Variants in CCNYL1 observed in about 807,000 individuals in gnomAD.
CCNYL1 encodes cyclin Y like 1.
A neutral mutation model predicts 44.2 loss-of-function variants in CCNYL1; 16 were observed. The observed-to-expected ratio is 0.36, with a 90% CI of 0.25 to 0.55. The LOEUF (loss-of-function observed/expected upper bound fraction) is 0.55. Among genes scored for constraint, CCNYL1 ranks in the 20% least tolerant of loss-of-function variants. The pLI is 0.85. For missense variants in CCNYL1, 348 were observed against 451.8 expected, an observed-to-expected ratio of 0.77 and a Z score of 2.08; for synonymous variants, 159 against 163.2, an observed-to-expected ratio of 0.97 and a Z score of 0.20.
In CCNYL1 at chr2:207,754,063, T is replaced by G. The variant is rs905946800; in HGVS notation, c.*365T>G. 1 of 163,334 alleles carries G rather than the reference T, an allele frequency of 6.1e-6. No individual in the cohort carries two copies. The highest frequency in any genetic ancestry group is 2.4e-5 in the African/African-American group (1 of 41,842). 10.1% of individuals were successfully genotyped at this position (163,334 alleles called of 1,614,324 possible). A position where few individuals can be genotyped will look rare whatever the true frequency, so the allele number is the denominator to read the frequency against. On this transcript the variant is annotated 3_prime_UTR_variant, in exon 10 of 10. Coordinates refer to ENST00000295414, the MANE Select transcript of CCNYL1 (RefSeq NM_001330218.2). Reference sequence around the variant, plus strand: ...TTTAAAGACACTAACCATATAACTTTTATGTTTCTTCCAGTTTCTCTCCCT... The same window carrying G: ...TTTAAAGACACTAACCATATAACTTGTATGTTTCTTCCAGTTTCTCTCCCT...
chr2:207,740,031 G>A (rs2091796368), intron 5 of CCNYL1, among the ~76,000 whole-genome samples: 1 of 152,048 alleles, frequency 6.6e-6, no homozygotes, highest in African/African-American at 2.4e-5. Flanking sequence ...TGACCTCAAG[G>A]ACCTCTTGGA....
intron 6 of CCNYL1, 141 bp from the exon 7 acceptor site, chr2:207,742,082 T>G (rs1575220776): frequency 1.5e-6 from 1 of 659,814 alleles, no homozygotes. Context: ...ACCCGGGGGG[T>G]AGAGGTTGCA....
At chr2:207,717,286 G>A (rs2091604697) in intron 1 of CCNYL1, among the ~76,000 whole-genome samples, 1 of 152,088 alleles carries the variant, frequency 6.6e-6, no homozygotes, top group Admixed American at 6.6e-5. Flanking sequence ...GATTTGATTA[G>A]ATGACAAATC....
At chr2:207,725,090 AAC>A (rs2091670134) in intron 2 of CCNYL1, among the ~76,000 whole-genome samples, 1 of 151,270 alleles carries the variant, frequency 6.6e-6, no homozygotes, top group East Asian at 1.9e-4. Context: ...ACCTTTTTAT[AAC>A]ACAATTAATT....
At chr2:207,746,294 C>G (rs4260225) in intron 7 of CCNYL1, among the ~76,000 whole-genome samples, 23,494 of 152,140 alleles carry the variant, frequency 0.15, 3,015 homozygotes, top group East Asian at 0.38. Context: ...GGGTTAGTTA[C>G]TGTGAAAAGG....
intron 7 of CCNYL1, among the ~76,000 whole-genome samples, chr2:207,743,000 T>TA (rs1183491850): frequency 6.6e-6 from 1 of 152,224 alleles, no homozygotes; most frequent in East Asian, 1.9e-4. Flanking sequence ...TTCAAGTGGT[T>TA]AGGATTGTTT....
At chr2:207,723,874 C>CAAAAA (rs58432475) in intron 1 of CCNYL1, among the ~76,000 whole-genome samples, 2 of 53,344 alleles carry the variant, frequency 3.7e-5, no homozygotes, top group African/African-American at 1.2e-4. Context: ...GACTCCATCT[C>CAAAAA]AAAAAAAAAA....
At chr2:207,737,519 A>G (rs1231634286) in intron 5 of CCNYL1, 73 bp downstream of exon 5, 3 of 1,204,964 alleles carry the variant, frequency 2.5e-6, no homozygotes, top group Non-Finnish European at 2.4e-6. Context: ...GTATTAGGTC[A>G]TAACTATAGA....
intron 1 of CCNYL1, chr2:207,714,251 C>T (rs886642616): frequency 2.6e-5 from 10 of 388,114 alleles, no homozygotes; most frequent in Non-Finnish European, 4.4e-5. Flanking sequence ...GAACTTACTT[C>T]GGTCTTGATT....
In CCNYL1 at chr2:207,754,392, T is replaced by A. The variant is rs2091916299; in HGVS notation, c.*694T>A. On this transcript the variant is annotated 3_prime_UTR_variant, in exon 10 of 10. Coordinates refer to ENST00000295414, the MANE Select transcript of CCNYL1 (RefSeq NM_001330218.2). ...TACTTCTATTGGAGTCCATGTTGCA[T>A]TTCTTGTGAACTATAAATGGTGCTT... 1 of 152,660 alleles carries A rather than the reference T, an allele frequency of 6.6e-6. No individual in the cohort carries two copies. Among genetic ancestry groups the A allele is most frequent in the Non-Finnish European group, 1.5e-5 (1 of 68,044 alleles). 9.5% of individuals were successfully genotyped at this position (152,660 alleles called of 1,614,324 possible).
intron 7 of CCNYL1, among the ~76,000 whole-genome samples, chr2:207,745,361 A>C (rs1241699014): frequency 1.3e-5 from 2 of 152,216 alleles, no homozygotes; most frequent in Non-Finnish European, 2.9e-5. Flanking sequence ...ACACTGACAC[A>C]GGAGGGCAAG....
At position 207,711,857 on chromosome 2, in the gene CCNYL1, G is replaced by A. The variant is rs1466321844; in HGVS notation, c.-40G>A. On this transcript the variant is annotated 5_prime_UTR_variant, in exon 1 of 10. Transcript: ENST00000295414. The stretch of plus-strand genomic sequence containing the variant: ...GGCTGTTGAGGGCGGCGGAGTAGGG[G>A]GCGAGCGAAGGCGGTGGCAGAGAGG... The A allele has an allele frequency of 7.6e-7, 1 of 1,324,102 alleles. No homozygotes were observed. The highest frequency in any genetic ancestry group is 9.8e-7 in the Non-Finnish European group (1 of 1,020,628). 82.0% of individuals were successfully genotyped at this position (1,324,102 alleles called of 1,614,324 possible).
chr2:207,724,777 G>A (rs749903477), intron 1 of CCNYL1, 23 bp from the exon 2 acceptor site: 52 of 1,566,054 alleles, frequency 3.3e-5, no homozygotes, highest in African/African-American at 2.0e-4. Flanking sequence ...AAAGTGTCAC[G>A]TCTTTTTCCT....
intron 1 of CCNYL1, among the ~76,000 whole-genome samples, chr2:207,720,393 CT>C (rs1257858381): frequency 0.012 from 1,611 of 139,988 alleles, 9 homozygotes; most frequent in Non-Finnish European, 0.014. Context: ...GTAACCCAGA[CT>C]TTTTTTTTTT....
At position 207,733,959 on chromosome 2, in the gene CCNYL1, C is replaced by A. The variant is rs773104179; in HGVS notation, c.343C>A (p.Gln115Lys). 2.5e-6 allele frequency: 4 copies of A among 1,609,652 alleles called. No individual in the cohort carries two copies. The highest frequency in any genetic ancestry group is 1.7e-5 in the Admixed American group (1 of 59,974). ...CCTTCCCCTTCAGGTATCTCCAGGG[C>A]AGCTTACTAAAAAGTATAGCTCATG... ...SNHLNHVSPG[Q>K]LTKKYSSCST... The change falls in exon 4 of 10, where the codon CAG (glutamine) becomes AAG (lysine). Residue 115 changes from glutamine to lysine, a missense_variant. Physicochemically the swap from Gln to Lys is moderately conservative, Grantham distance 53. Coordinates refer to ENST00000295414, the MANE Select transcript of CCNYL1 (RefSeq NM_001330218.2).
chr2:207,723,138 C>G (rs922700380), intron 1 of CCNYL1, among the ~76,000 whole-genome samples: 1 of 152,150 alleles, frequency 6.6e-6, no homozygotes, highest in South Asian at 2.1e-4. Context: ...ATAGTTTCCT[C>G]TAAAAGCAGT....
Position 207,755,821 on chromosome 2 carries a change from G to A in CCNYL1, c.*2123G>A, listed in dbSNP as rs1575228890. On this transcript the variant is annotated 3_prime_UTR_variant, in exon 10 of 10. Coordinates refer to ENST00000295414, the MANE Select transcript of CCNYL1 (RefSeq NM_001330218.2). ...AATTTGAAATACTAAGAAGAGGTTA[G>A]TGTTCTCAACTATGTGAAATCTGTT... The A allele has an allele frequency of 6.6e-6, 1 of 152,216 alleles. No individual in the cohort carries two copies. The highest frequency in any genetic ancestry group is 1.5e-5 in the Non-Finnish European group (1 of 68,034). The allele number at this position is 152,216 out of a possible 1,614,324, so 9.4% of individuals were successfully genotyped here.
chr2:207,712,351 C>T (rs1575205123), intron 1 of CCNYL1, among the ~76,000 whole-genome samples: 4 of 152,366 alleles, frequency 2.6e-5, no homozygotes, highest in Admixed American at 2.6e-4. Flanking sequence ...TTCCCATTCT[C>T]CCAAGCCGGC....
intron 1 of CCNYL1, among the ~76,000 whole-genome samples, chr2:207,713,679 A>AATT (rs1472818626): frequency 2.0e-5 from 3 of 152,234 alleles, no homozygotes; most frequent in Admixed American, 2.0e-4. Context: ...TAGAACTCTT[A>AATT]TATTTAAACT....
Sources: gnomAD v4.1 joint callset for allele counts (sites outside exome capture counted in the v4.1 genomes callset) on GRCh38, gnomAD v4.1.1 for gene constraint, MANE v1.5 for transcripts, NCBI Gene and HGNC (gene_info 2026-07-23, HGNC 2026-07-21) for gene names.